NUMA1: variants seen among roughly 807,000 people sequenced by gnomAD.
NUMA1 encodes nuclear mitotic apparatus protein 1, also known as SP-H antigen.
NUMA1 carries 62 observed loss-of-function variants against 237.1 expected under a neutral mutation model. The observed-to-expected ratio is 0.26, with a 90% confidence interval of 0.21 to 0.32. The LOEUF is 0.32. Among genes scored for constraint, NUMA1 ranks in the 10% least tolerant of loss-of-function variants. The probability of loss-of-function intolerance (pLI) is 1.00; values close to 1 mark genes in which losing one functional copy is unlikely to be tolerated. For synonymous variants in NUMA1, 1,028 were observed against 1,066.1 expected, an observed-to-expected ratio of 0.96 and a Z score of 0.70; for missense variants, 2,533 against 2,666.5, an observed-to-expected ratio of 0.95 and a Z score of 1.10.
At chr11:72,023,207 C>G (rs1939132814) in intron 5 of NUMA1, 60 bp from the exon 6 acceptor site, 2 of 1,247,316 alleles carry the variant, frequency 1.6e-6, no homozygotes, top group Non-Finnish European at 2.3e-6. Flanking sequence ...CCTGAGATCC[C>G]AGAACACTGA....
intron 4 of NUMA1, among the ~76,000 whole-genome samples, chr11:72,025,609 C>T (rs1169100951): frequency 6.6e-6 from 1 of 151,502 alleles, no homozygotes; most frequent in Non-Finnish European, 1.5e-5. Flanking sequence ...GATTAGTGGG[C>T]CCCTTGCTTC....
intron 13 of NUMA1, 64 bp downstream of exon 13, chr11:72,017,623 G>A: frequency 6.3e-7 from 1 of 1,592,048 alleles, no homozygotes; most frequent in Non-Finnish European, 8.6e-7. Context: ...GAGCACAGTG[G>A]TAAACTGGAC....
intron 3 of NUMA1, among the ~76,000 whole-genome samples, chr11:72,034,076 C>G (rs556867707): frequency 6.6e-6 from 1 of 152,190 alleles, no homozygotes; most frequent in Non-Finnish European, 1.5e-5. Context: ...GATTACATCA[C>G]TGTACTCCAG....
chr11:72,008,358 C>T (rs988511476), intron 20 of NUMA1: 4 of 408,844 alleles, frequency 9.8e-6, no homozygotes, highest in African/African-American at 4.1e-5. Flanking sequence ...TCTTAATAGT[C>T]GGTCTCCAAT....
intron 8 of NUMA1, chr11:72,020,275 A>G (rs917391286): frequency 6.6e-6 from 1 of 152,250 alleles, no homozygotes; most frequent in African/African-American, 2.4e-5. Flanking sequence ...CTTCTGGTCC[A>G]GAGCCTGCTC....
At chr11:72,053,464 A>G (rs1047839748) in intron 2 of NUMA1, among the ~76,000 whole-genome samples, 1 of 152,238 alleles carries the variant, frequency 6.6e-6, no homozygotes, top group Non-Finnish European at 1.5e-5. Flanking sequence ...TCCAAACTAT[A>G]TATTTTAAAT....
chr11:72,052,552 G>A (rs1405787336), intron 2 of NUMA1, among the ~76,000 whole-genome samples: 1 of 152,154 alleles, frequency 6.6e-6, no homozygotes, highest in African/African-American at 2.4e-5. Context: ...TGGATCATGA[G>A]GTCAGGAGAT....
chr11:72,039,652 GGCCTACA>G (rs1302654314), intron 2 of NUMA1: 2 of 152,198 alleles, frequency 1.3e-5, no homozygotes, highest in Non-Finnish European at 2.9e-5. Context: ...TAGTTCCAAA[GGCCTACA>G]GCCTCACAGC....
At chr11:72,061,789 C>T (rs554414401) in intron 2 of NUMA1, among the ~76,000 whole-genome samples, 8 of 152,006 alleles carry the variant, frequency 5.3e-5, no homozygotes, top group Non-Finnish European at 1.2e-4. Context: ...TGCCTGGCCC[C>T]TTATTTAATT....
chr11:72,022,512 G>A (rs183821393), intron 6 of NUMA1, 93 bp from the exon 7 acceptor site: 33 of 782,982 alleles, frequency 4.2e-5, no homozygotes, highest in Admixed American at 3.2e-4. Context: ...GAGCTATTCC[G>A]GTGACTCTTC....
chr11:72,002,885 T>C lies in NUMA1; in HGVS notation c.*642A>G, dbSNP rs1042888777. 1 of 223,972 alleles carries C rather than the reference T, an allele frequency of 4.5e-6. No homozygotes were observed. The highest frequency in any genetic ancestry group is 8.9e-6 in the Non-Finnish European group (1 of 112,038). The allele number at this position is 223,972 out of a possible 1,614,324, so 13.9% of individuals were successfully genotyped here. A position where few individuals can be genotyped will look rare whatever the true frequency, so the allele number is the denominator to read the frequency against. On this transcript the variant is annotated 3_prime_UTR_variant, in exon 27 of 27. Transcript: ENST00000393695. ...GTACTCACGGGAGAAAAATAGACTTTATTTACAAGTAATAACATTTAGAAA... is the reference window on the plus strand; with the variant it reads ...GTACTCACGGGAGAAAAATAGACTTCATTTACAAGTAATAACATTTAGAAA...
chr11:72,042,608 G>A (rs1272256920), intron 2 of NUMA1, among the ~76,000 whole-genome samples: 1 of 152,212 alleles, frequency 6.6e-6, no homozygotes, highest in Non-Finnish European at 1.5e-5. Context: ...AGGGCTTGAA[G>A]AGTGAGGTGG....
chr11:72,022,777 T>A, intron 6 of NUMA1, among the ~76,000 whole-genome samples: 1 of 152,078 alleles, frequency 6.6e-6, no homozygotes, highest in Non-Finnish European at 1.5e-5. Flanking sequence ...GATAGCCGAA[T>A]GAGACCTGAT....
chr11:72,008,757 G>A lies in NUMA1; in HGVS notation c.5147C>T (p.Pro1716Leu). 1 of 1,614,084 alleles carries A rather than the reference G, an allele frequency of 6.2e-7. No homozygotes were observed. The highest frequency in any genetic ancestry group is 8.5e-7 in the Non-Finnish European group (1 of 1,180,018). Residue 1716 changes from proline to leucine, a missense_variant, in exon 20 of 27, where the codon CCC (proline) becomes CTC (leucine). Around this residue, in one of 3 missense-constraint regions of NUMA1, gnomAD observed 795 missense variants for 750.8 expected, o/e 1.06. Coordinates refer to ENST00000393695, the MANE Select transcript of NUMA1 (RefSeq NM_006185.4). ...ALKSREPQAK[P>L]QLDLSIDSLD... Reference sequence around the variant, plus strand: ...GCTGTCAATACTCAAGTCCAGCTGGGGCTTAGCCTGGGGCTCACGGCTCTT... The same window carrying A: ...GCTGTCAATACTCAAGTCCAGCTGGAGCTTAGCCTGGGGCTCACGGCTCTT...
chr11:72,059,551 G>A (rs1942834626), intron 2 of NUMA1, among the ~76,000 whole-genome samples: 1 of 152,222 alleles, frequency 6.6e-6, no homozygotes. Flanking sequence ...TTACAGGTGT[G>A]AGCTATCATG....
intron 2 of NUMA1, among the ~76,000 whole-genome samples, chr11:72,044,719 G>A (rs1001687306): frequency 4.7e-5 from 7 of 149,166 alleles, no homozygotes; most frequent in Non-Finnish European, 8.9e-5. Context: ...CCAGGCTGGA[G>A]TACAATGGCA....
chr11:72,049,560 A>ATATATATATATATATATATATAT (rs59229987), intron 2 of NUMA1: 2,353 of 40,756 alleles, frequency 0.058, 787 homozygotes, highest in East Asian at 0.072. Flanking sequence ...AAATAATAAT[A>ATATATATATATATATATATATAT]ATATATATAT....
In NUMA1 at chr11:72,015,183, G is replaced by A. The variant is rs1428662608; in HGVS notation, c.2320C>T (p.Leu774Phe). Residue 774 changes from leucine (L) to phenylalanine (F), a missense_variant, in exon 15 of 27, where the codon CTT (leucine) becomes TTT (phenylalanine). Around this residue, in one of 3 missense-constraint regions of NUMA1, gnomAD observed 1,414 missense variants for 1,508.1 expected, o/e 0.94. Coordinates refer to ENST00000393695, the MANE Select transcript of NUMA1 (RefSeq NM_006185.4). The surrounding 1 kb of genome is among the most constrained non-coding windows in gnomAD (Gnocchi z 4.0). ...RKGLEARLQQ[L>F]GEAHQAETEV... ...GTCTCAGCCTGATGGGCCTCCCCAAGCTGCTGTAATCGAGCCTCCAGCCCC... is the reference window on the plus strand; with the variant it reads ...GTCTCAGCCTGATGGGCCTCCCCAAACTGCTGTAATCGAGCCTCCAGCCCC... 1.2e-6 allele frequency: 2 copies of A among 1,613,472 alleles called. No homozygotes were observed. The highest frequency in any genetic ancestry group is 3.3e-5 in the Admixed American group (2 of 60,030).
At position 72,018,285 on chromosome 11, in the gene NUMA1, C is replaced by T. The variant is rs1938180247; in HGVS notation, c.876G>A (p.Leu292=). Reference sequence around the variant, plus strand: ...CCTGGCACTGCTTCAGGGTTTCATGCAGCCGCATGGTAAGGCTGCGAGGGA... The same window carrying T: ...CCTGGCACTGCTTCAGGGTTTCATGTAGCCGCATGGTAAGGCTGCGAGGGA... The part of the protein sequence containing the change: ...RDKNESLTMR[L]HETLKQCQDL... Residue 292 remains leucine, a synonymous_variant, in exon 12 of 27, where the codon CTG becomes CTA. Coordinates refer to ENST00000393695, the MANE Select transcript of NUMA1 (RefSeq NM_006185.4). 1 of 1,613,878 alleles carries T rather than the reference C, an allele frequency of 6.2e-7. No homozygotes were observed. Among genetic ancestry groups the T allele is most frequent in the Non-Finnish European group, 8.5e-7 (1 of 1,179,878 alleles).
Sources: allele counts gnomAD v4.1 joint callset (sites outside exome capture counted in the v4.1 genomes callset), GRCh38; gene constraint gnomAD v4.1.1; regional missense constraint gnomAD v4.1.1; non-coding constraint Gnocchi (gnomAD v3.1); transcripts MANE v1.5; gene names NCBI Gene and HGNC (gene_info 2026-07-23, HGNC 2026-07-21).